The following HTR1F variants were observed in gnomAD, a reference collection of about 807,000 sequenced individuals.
HTR1F encodes the protein 5-hydroxytryptamine receptor 1F.
A neutral mutation model predicts 24.0 loss-of-function variants in HTR1F; 17 were observed. The ratio of observed to expected loss-of-function variants is 0.71; its 90% CI spans 0.48 to 1.06. The LOEUF (loss-of-function observed/expected upper bound fraction) is 1.06. Among genes scored for constraint, HTR1F ranks in the 50% least tolerant of loss-of-function variants. The probability of loss-of-function intolerance (pLI) is 0.00; values close to 1 mark genes in which losing one functional copy is unlikely to be tolerated. For missense variants in HTR1F, 391 were observed against 427.8 expected (o/e 0.91, Z 0.76); for synonymous variants, 186 against 156.8 (o/e 1.19, Z -1.39).
intron 2 of HTR1F, among the ~76,000 whole-genome samples, chr3:87,905,567 G>A (rs569449333): frequency 9.7e-4 from 148 of 152,132 alleles, no homozygotes; most frequent in African/African-American, 3.5e-3. Context: ...AGAACGTTGG[G>A]ATGCTCCCTT....
In HTR1F at chr3:87,922,632, C is replaced by T. The variant is rs540710178; in HGVS notation, c.-42-68076C>T. Among the ~76,000 whole-genome samples, 80 of 152,006 alleles carry T rather than the reference C, an allele frequency of 5.3e-4. 1 individual carries two copies. Among genetic ancestry groups the T allele is most frequent in the African/African-American group, 1.8e-3 (74 of 41,508 alleles). ...TCCTGCAGCATTTACTTTATGTTTT[C>T]TTCTAGTCATGTCACAGTTTTGGGT... On this transcript the variant is annotated intron_variant, in intron 2 of 2. Coordinates refer to ENST00000319595, the MANE Select transcript of HTR1F (RefSeq NM_001322209.2).
At chr3:87,920,880 G>A (rs1441378546) in intron 2 of HTR1F, among the ~76,000 whole-genome samples, 1 of 151,830 alleles carries the variant, frequency 6.6e-6, no homozygotes, top group African/African-American at 2.4e-5. Flanking sequence ...TAAAATAAAA[G>A]TTTTTTTAAA....
chr3:87,942,186 C>T (rs557965476), intron 2 of HTR1F, among the ~76,000 whole-genome samples: 61 of 152,208 alleles, frequency 4.0e-4, no homozygotes, highest in East Asian at 2.1e-3. Context: ...GCTAGAATGC[C>T]TCTCCCTAAC....
chr3:87,889,152 T>C (rs1706023987), intron 2 of HTR1F, among the ~76,000 whole-genome samples: 5 of 152,086 alleles, frequency 3.3e-5, no homozygotes, highest in Admixed American at 3.3e-4. Flanking sequence ...CCCAGCTCCC[T>C]TTCACCTTCT....
At chr3:87,867,472 TGGGA>T (rs1705455408) in intron 2 of HTR1F, among the ~76,000 whole-genome samples, 1 of 151,806 alleles carries the variant, frequency 6.6e-6, no homozygotes, top group Non-Finnish European at 1.5e-5. Context: ...CGCTCAAGCA[TGGGA>T]CAAAAACTTT....
chr3:87,946,631 T>A (rs979485335), intron 2 of HTR1F, among the ~76,000 whole-genome samples: 41 of 129,532 alleles, frequency 3.2e-4, no homozygotes, highest in African/African-American at 6.6e-4. Context: ...ATATATATTT[T>A]TTTTTTTTTT....
At chr3:87,963,121 G>A (rs1407411953) in intron 2 of HTR1F, among the ~76,000 whole-genome samples, 1 of 151,938 alleles carries the variant, frequency 6.6e-6, no homozygotes, top group Non-Finnish European at 1.5e-5. Context: ...TTGGGCAAGG[G>A]TTAGTGACAT....
At chr3:87,897,138 C>T (rs1414707346) in intron 2 of HTR1F, among the ~76,000 whole-genome samples, 1 of 151,300 alleles carries the variant, frequency 6.6e-6, no homozygotes, top group East Asian at 1.9e-4. Flanking sequence ...TTCACAATAG[C>T]CAAAATATGG....
intron 2 of HTR1F, among the ~76,000 whole-genome samples, chr3:87,872,953 T>G (rs1427345181): frequency 6.6e-6 from 1 of 152,018 alleles, no homozygotes; most frequent in Non-Finnish European, 1.5e-5. Flanking sequence ...GCAAGGAATA[T>G]GCTGATACAA....
intron 2 of HTR1F, among the ~76,000 whole-genome samples, chr3:87,986,860 G>A (rs897228647): frequency 5.3e-5 from 8 of 152,106 alleles, no homozygotes; most frequent in African/African-American, 7.2e-5. Flanking sequence ...ATCCCAGCAC[G>A]TTGGGAGGCC....
chr3:87,893,377 T>C (rs1559621577), intron 2 of HTR1F, among the ~76,000 whole-genome samples: 1 of 152,194 alleles, frequency 6.6e-6, no homozygotes, highest in Non-Finnish European at 1.5e-5. Flanking sequence ...ATGTGCTTAA[T>C]TTACAATGCT....
At chr3:87,849,308 T>C (rs1328046612) in intron 2 of HTR1F, among the ~76,000 whole-genome samples, 4 of 151,432 alleles carry the variant, frequency 2.6e-5, no homozygotes, top group Non-Finnish European at 1.5e-5. Flanking sequence ...ATGCCGCATA[T>C]CTACAACTAT....
chr3:87,836,261 A>T (rs2107165981), intron 2 of HTR1F, among the ~76,000 whole-genome samples: 1 of 152,330 alleles, frequency 6.6e-6, no homozygotes, highest in Middle Eastern at 3.4e-3. Flanking sequence ...AAGTTAATGT[A>T]GTCATAAAAT....
intron 2 of HTR1F, among the ~76,000 whole-genome samples, chr3:87,882,538 T>G (rs1575983525): frequency 6.6e-6 from 1 of 152,050 alleles, no homozygotes; most frequent in Non-Finnish European, 1.5e-5. Flanking sequence ...TAAAGAATGA[T>G]GAGTTCATGT....
At chr3:87,844,088 C>T (rs1352176338) in intron 2 of HTR1F, among the ~76,000 whole-genome samples, 36 of 150,008 alleles carry the variant, frequency 2.4e-4, no homozygotes, top group African/African-American at 8.4e-4. Context: ...TTCTAGATCC[C>T]TGAGGAATCG....
At chr3:87,955,737 T>C (rs1464873346) in intron 2 of HTR1F, among the ~76,000 whole-genome samples, 26 of 151,542 alleles carry the variant, frequency 1.7e-4, no homozygotes, top group Non-Finnish European at 1.0e-4. Flanking sequence ...TCAGCCATTC[T>C]AATGAGTATA....
chr3:87,944,883 T>C (rs189785372), intron 2 of HTR1F, among the ~76,000 whole-genome samples: 37 of 152,288 alleles, frequency 2.4e-4, no homozygotes, highest in Admixed American at 2.1e-3. Context: ...GTGGTCTCAG[T>C]GTTTTCAGGC....
chr3:87,809,848 TC>T, intron 1 of HTR1F, among the ~76,000 whole-genome samples: 1 of 152,230 alleles, frequency 6.6e-6, no homozygotes, highest in South Asian at 2.1e-4. Flanking sequence ...TTATTATTTT[TC>T]CTTTCTTTAA....
intron 2 of HTR1F, chr3:87,910,073 T>A (rs1379127816): frequency 1.3e-5 from 2 of 152,016 alleles, no homozygotes; most frequent in Non-Finnish European, 2.9e-5. Context: ...CTTTTAACTG[T>A]TTAAATATCT....
Sources: allele counts gnomAD v4.1 joint callset (sites outside exome capture counted in the v4.1 genomes callset), GRCh38; gene constraint gnomAD v4.1.1; transcripts MANE v1.5; gene names NCBI Gene and HGNC (gene_info 2026-07-23, HGNC 2026-07-21).